C6orf118: variants seen among roughly 807,000 people sequenced by gnomAD.
C6orf118 encodes the protein uncharacterized protein C6orf118.
C6orf118 carries 50 observed loss-of-function variants against 50.2 expected under a neutral mutation model. The observed-to-expected ratio is 1.00, with a 90% CI of 0.79 to 1.26. The LOEUF is 1.26. C6orf118 is among the 50% of genes most tolerant of loss of function. The pLI is 0.00. For missense variants in C6orf118, 641 were observed against 578.7 expected (o/e 1.11, Z -1.10); for synonymous variants, 239 against 230.9 (o/e 1.03, Z -0.32).
intron 5 of C6orf118, 136 bp from the exon 6 acceptor site, chr6:165,293,607 C>G: frequency 1.6e-6 from 1 of 615,558 alleles, no homozygotes; most frequent in Admixed American, 2.9e-5. Context: ...GACAGATACT[C>G]TGAAGATATT....
intron 7 of C6orf118, among the ~76,000 whole-genome samples, chr6:165,282,229 C>T (rs1779752170): frequency 2.0e-5 from 3 of 152,066 alleles, no homozygotes; most frequent in Non-Finnish European, 4.4e-5. Context: ...CTGTCACTTT[C>T]TCCCAAATGC....
chr6:165,297,401 T>TA (rs762133971), intron 5 of C6orf118, among the ~76,000 whole-genome samples: 4,751 of 124,266 alleles, frequency 0.038, 266 homozygotes, highest in African/African-American at 0.13. Context: ...AAGTCTCCAT[T>TA]AAAAAAAAAA....
rs558304174 is a variant in C6orf118, at chr6:165,287,686, G to T, written c.1302+2200C>A. The stretch of plus-strand genomic sequence containing the variant: ...CTGACAAAAACAAGCAATGGGGAAA[G>T]GATTCCCTATTTAATAAATAGTGCT... On this transcript the variant is annotated intron_variant, in intron 7 of 8. Transcript: ENST00000230301. Among the ~76,000 whole-genome samples the T allele has an allele frequency of 2.0e-5, 3 of 152,260 alleles. No homozygotes were observed. In the East Asian group the frequency reaches 5.8e-4, roughly 29 times the overall value.
At chr6:165,291,042 C>T (rs1780088120) in intron 6 of C6orf118, among the ~76,000 whole-genome samples, 1 of 152,128 alleles carries the variant, frequency 6.6e-6, no homozygotes, top group Non-Finnish European at 1.5e-5. Flanking sequence ...AACTTATTCA[C>T]TACCATGAGA....
intron 7 of C6orf118, among the ~76,000 whole-genome samples, chr6:165,283,878 T>C (rs1284180033): frequency 2.0e-5 from 3 of 152,168 alleles, no homozygotes; most frequent in African/African-American, 7.2e-5. Context: ...AAAGAATTAA[T>C]GCAAAATAAC....
chr6:165,291,527 G>C (rs1780106014), intron 6 of C6orf118, among the ~76,000 whole-genome samples: 1 of 152,094 alleles, frequency 6.6e-6, no homozygotes, highest in Non-Finnish European at 1.5e-5. Context: ...ATAGCCAGGG[G>C]GATGCCAATT....
At chr6:165,301,531 G>C (rs760279627) in intron 2 of C6orf118, 38 bp downstream of exon 2, 1 of 1,575,056 alleles carries the variant, frequency 6.3e-7, no homozygotes, top group East Asian at 2.2e-5. Context: ...TGCCCTGAGA[G>C]CTCTTCCCTG....
At chr6:165,282,961 T>C (rs1285444744) in intron 7 of C6orf118, among the ~76,000 whole-genome samples, 6 of 152,182 alleles carry the variant, frequency 3.9e-5, no homozygotes, top group African/African-American at 1.4e-4. Context: ...CAATTATAAA[T>C]TGATGCTTGT....
At chr6:165,286,823 G>A (rs1003197650) in intron 7 of C6orf118, among the ~76,000 whole-genome samples, 1 of 152,088 alleles carries the variant, frequency 6.6e-6, no homozygotes, top group Non-Finnish European at 1.5e-5. Flanking sequence ...ATATTATACT[G>A]ACTGGGCAAA....
chr6:165,291,155 T>A (rs1027862004), intron 6 of C6orf118, among the ~76,000 whole-genome samples: 5 of 151,962 alleles, frequency 3.3e-5, no homozygotes, highest in African/African-American at 1.2e-4. Flanking sequence ...GAGATTTGGG[T>A]GGGGACACGG....
At chr6:165,305,058 C>T (rs1780675397) in intron 1 of C6orf118, among the ~76,000 whole-genome samples, 2 of 79,622 alleles carry the variant, frequency 2.5e-5, no homozygotes, top group South Asian at 1.1e-3. Flanking sequence ...CATCACACTC[C>T]CTGACTTCAA....
At chr6:165,282,233 CAA>C (rs1779752432) in intron 7 of C6orf118, among the ~76,000 whole-genome samples, 1 of 151,936 alleles carries the variant, frequency 6.6e-6, no homozygotes, top group South Asian at 2.1e-4. Context: ...CACTTTCTCC[CAA>C]ATGCATTTAT....
chr6:165,302,046 A>C lies in C6orf118; in HGVS notation c.276T>G (p.Ser92=). 2.5e-6 allele frequency: 4 copies of C among 1,613,624 alleles called. No homozygotes were observed. Among genetic ancestry groups the C allele is most frequent in the Non-Finnish European group, 3.4e-6 (4 of 1,179,862 alleles). Residue 92 remains serine (S), a synonymous_variant, in exon 2 of 9, where the codon TCT becomes TCG. Coordinates refer to ENST00000230301, the MANE Select transcript of C6orf118 (RefSeq NM_144980.4). ...TCCCTGCGGGCGGCTCTCCCACCTC[A>C]GAGGCGCGCTCCCCCTTGGGCCGGT... ...NAHRPKGERA[S]EVGEPPAGKV... is the part of the protein sequence containing the mutation.
chr6:165,297,901 T>C, intron 5 of C6orf118, 76 bp downstream of exon 5: 1 of 1,593,542 alleles, frequency 6.3e-7, no homozygotes, highest in Non-Finnish European at 8.6e-7. Context: ...AATGTAACCG[T>C]AGGCTTGTCA....
At chr6:165,306,874 C>T (rs943181447) in intron 1 of C6orf118, among the ~76,000 whole-genome samples, 4 of 152,068 alleles carry the variant, frequency 2.6e-5, no homozygotes, top group South Asian at 2.1e-4. Flanking sequence ...GAATCCCCAT[C>T]GTGGCAATAA....
intron 5 of C6orf118, among the ~76,000 whole-genome samples, chr6:165,294,388 T>C (rs1040555979): frequency 2.0e-5 from 3 of 152,240 alleles, no homozygotes; most frequent in East Asian, 1.9e-4. Flanking sequence ...TTATGTTTTA[T>C]AGATTTAAAG....
At chr6:165,285,253 A>T (rs1779861667) in intron 7 of C6orf118, among the ~76,000 whole-genome samples, 1 of 152,384 alleles carries the variant, frequency 6.6e-6, no homozygotes, top group African/African-American at 2.4e-5. Context: ...TCAATTGAAC[A>T]AGAAGAACTA....
intron 4 of C6orf118, among the ~76,000 whole-genome samples, chr6:165,298,436 G>A (rs537694378): frequency 2.0e-5 from 3 of 152,296 alleles, no homozygotes; most frequent in Middle Eastern, 3.4e-3. Context: ...CACCGCAATC[G>A]TTTCCTCTAG....
chr6:165,298,482 G>A (rs773226507), intron 4 of C6orf118, among the ~76,000 whole-genome samples: 32 of 152,262 alleles, frequency 2.1e-4, no homozygotes, highest in Admixed American at 2.0e-4. Context: ...CTTGCCATCC[G>A]CAGATGTAAA....
Sources: allele counts gnomAD v4.1 joint callset (sites outside exome capture counted in the v4.1 genomes callset), GRCh38; gene constraint gnomAD v4.1.1; transcripts MANE v1.5; gene names NCBI Gene and HGNC (gene_info 2026-07-23, HGNC 2026-07-21).